SLC14A2: variants seen among roughly 807,000 people sequenced by gnomAD.
SLC14A2 encodes the protein solute carrier family 14 member 2.
In SLC14A2, 91 loss-of-function variants were observed where a neutral mutation model predicts 104.6. The ratio of observed to expected loss-of-function variants is 0.87; its 90% CI spans 0.73 to 1.04. SLC14A2 has a LOEUF of 1.04. Among genes scored for constraint, SLC14A2 ranks in the 50% least tolerant of loss-of-function variants. SLC14A2 has a pLI of 0.00. For synonymous variants in SLC14A2, 476 were observed against 466.4 expected, an observed-to-expected ratio of 1.02 and a Z score of -0.27; for missense variants, 1,189 against 1,156.0, an observed-to-expected ratio of 1.03 and a Z score of -0.41.
chr18:45,279,375 C>T (rs1246966541), intron 1 of SLC14A2, among the ~76,000 whole-genome samples: 1 of 152,194 alleles, frequency 6.6e-6, no homozygotes, highest in East Asian at 1.9e-4. Flanking sequence ...TCATATATCA[C>T]TTTGAGGGCT....
chr18:45,641,182 A>T, intron 7 of SLC14A2, 27 bp from the exon 8 acceptor site: 1 of 1,610,870 alleles, frequency 6.2e-7, no homozygotes, highest in South Asian at 1.1e-5. Context: ...CCAGAATCAG[A>T]CAGAAATACC....
At chr18:45,407,794 A>G (rs1466490861) in intron 1 of SLC14A2, among the ~76,000 whole-genome samples, 4 of 152,230 alleles carry the variant, frequency 2.6e-5, no homozygotes, top group African/African-American at 9.6e-5. Flanking sequence ...TGGAGCAGCC[A>G]GAACACACAC....
intron 2 of SLC14A2, among the ~76,000 whole-genome samples, chr18:45,549,075 G>T (rs1371437676): frequency 6.6e-6 from 1 of 152,256 alleles, no homozygotes; most frequent in Non-Finnish European, 1.5e-5. Context: ...TATGCTGCCA[G>T]TTCCCCTTTC....
chr18:45,262,489 C>T (rs1251511650), intron 1 of SLC14A2, among the ~76,000 whole-genome samples: 1 of 152,182 alleles, frequency 6.6e-6, no homozygotes, highest in Admixed American at 6.5e-5. Context: ...TCATTGTGTG[C>T]TTTGAGCCTA....
At chr18:45,269,123 A>G (rs16978317) in intron 1 of SLC14A2, among the ~76,000 whole-genome samples, 2,800 of 152,084 alleles carry the variant, frequency 0.018, 70 homozygotes, top group East Asian at 0.091. Context: ...AGATAAAACA[A>G]TGAGAATGAC....
the SLC14A2 span, among the ~76,000 whole-genome samples, chr18:45,198,268 A>G: frequency 6.6e-6 from 1 of 152,136 alleles, no homozygotes; most frequent in Non-Finnish European, 1.5e-5. Context: ...AATCATGAAT[A>G]TTTTGCTATA....
Position 45,632,427 on chromosome 18 carries a change from T to C in SLC14A2, c.599T>C (p.Leu200Ser), listed in dbSNP as rs1176182840. The C allele has an allele frequency of 6.2e-7, 1 of 1,614,058 alleles. No individual in the cohort carries two copies. Among genetic ancestry groups the C allele is most frequent in the South Asian group, 1.1e-5 (1 of 91,052 alleles). Residue 200 changes from leucine to serine, a missense_variant, in exon 5 of 20, where the codon TTA (leucine) becomes TCA (serine). Transcript: ENST00000255226. Reference sequence around the variant, plus strand: ...CTGATGGCCGTGTTCTCGGAGAAGTTAGACTACTACTGGTGGCTTCTGTTT... The same window carrying C: ...CTGATGGCCGTGTTCTCGGAGAAGTCAGACTACTACTGGTGGCTTCTGTTT... ...GLLMAVFSEK[L>S]DYYWWLLFPV...
intron 1 of SLC14A2, among the ~76,000 whole-genome samples, chr18:45,307,963 C>T (rs941057821): frequency 6.6e-6 from 1 of 152,160 alleles, no homozygotes; most frequent in Non-Finnish European, 1.5e-5. Flanking sequence ...CCAATCACGG[C>T]TGAAGGTGAA....
chr18:45,563,910 T>C (rs552214250), intron 2 of SLC14A2, among the ~76,000 whole-genome samples: 16 of 152,352 alleles, frequency 1.1e-4, no homozygotes, highest in African/African-American at 3.8e-4. Context: ...CAAGTATCTT[T>C]CACATATGAG....
chr18:45,465,120 G>A (rs894741963), intron 1 of SLC14A2, among the ~76,000 whole-genome samples: 2 of 152,100 alleles, frequency 1.3e-5, no homozygotes, highest in African/African-American at 4.8e-5. Flanking sequence ...GCTAAAGAGA[G>A]AAAAAACACA....
chr18:45,370,662 C>T (rs2144352346), intron 1 of SLC14A2, among the ~76,000 whole-genome samples: 1 of 152,090 alleles, frequency 6.6e-6, no homozygotes, highest in East Asian at 1.9e-4. Context: ...GAGTGCACTT[C>T]ACGCGGGACC....
At chr18:45,547,685 T>A (rs760125771) in intron 2 of SLC14A2, among the ~76,000 whole-genome samples, 1 of 152,186 alleles carries the variant, frequency 6.6e-6, no homozygotes, top group Non-Finnish European at 1.5e-5. Flanking sequence ...AAAATGGGAA[T>A]GATAATGTCT....
intron 5 of SLC14A2, chr18:45,635,033 AGG>A: frequency 2.9e-6 from 1 of 339,352 alleles, no homozygotes; most frequent in Non-Finnish European, 5.8e-6. Flanking sequence ...AACCAAGGAG[AGG>A]AAAAAAAAAA....
At chr18:45,301,605 A>G (rs943735417) in intron 1 of SLC14A2, among the ~76,000 whole-genome samples, 3 of 152,228 alleles carry the variant, frequency 2.0e-5, no homozygotes, top group Non-Finnish European at 2.9e-5. Context: ...CATTTGGCTT[A>G]GAGAATTTGT....
At chr18:45,570,780 A>G (rs1350167870) in intron 2 of SLC14A2, among the ~76,000 whole-genome samples, 1 of 152,242 alleles carries the variant, frequency 6.6e-6, no homozygotes, top group Non-Finnish European at 1.5e-5. Flanking sequence ...AGAAATTAGA[A>G]GTTGTAAATA....
chr18:45,612,861 T>C (rs899276548), upstream of SLC14A2, among the ~76,000 whole-genome samples: 11 of 152,308 alleles, frequency 7.2e-5, no homozygotes, highest in African/African-American at 2.4e-4. Flanking sequence ...TATAAGTGTT[T>C]GGCAAGTTCC....
At chr18:45,310,169 A>G (rs1427624317) in intron 1 of SLC14A2, among the ~76,000 whole-genome samples, 3 of 152,206 alleles carry the variant, frequency 2.0e-5, no homozygotes, top group South Asian at 2.1e-4. Context: ...TTCAACGAAC[A>G]TTGTACTTCT....
chr18:45,504,493 A>G (rs1385374424), intron 2 of SLC14A2, among the ~76,000 whole-genome samples: 1 of 152,216 alleles, frequency 6.6e-6, no homozygotes, highest in East Asian at 1.9e-4. Context: ...GTTCCCATCC[A>G]GAACCTTCCC....
At chr18:45,547,850 C>CT (rs1314954041) in intron 2 of SLC14A2, among the ~76,000 whole-genome samples, 2 of 152,120 alleles carry the variant, frequency 1.3e-5, no homozygotes, top group African/African-American at 4.8e-5. Flanking sequence ...AACAGAAGGG[C>CT]TGCACAGCAG....
Sources: allele counts gnomAD v4.1 joint callset (sites outside exome capture counted in the v4.1 genomes callset), GRCh38; gene constraint gnomAD v4.1.1; transcripts MANE v1.5; gene names NCBI Gene and HGNC (gene_info 2026-07-23, HGNC 2026-07-21).